CALN1: variants seen among roughly 807,000 people sequenced by gnomAD.
The protein encoded by CALN1 is calcium-binding protein 8.
Under a neutral mutation model 30.6 loss-of-function variants are expected in CALN1, and 17 were observed. The ratio of observed to expected loss-of-function variants is 0.56; its 90% CI spans 0.38 to 0.83. CALN1 has a LOEUF of 0.83. Among genes scored for constraint, CALN1 ranks in the 40% least tolerant of loss-of-function variants. CALN1 has a pLI of 0.00. For missense variants in CALN1, 291 were observed against 354.9 expected (o/e 0.82, Z 1.45); for synonymous variants, 156 against 131.4 (o/e 1.19, Z -1.28).
chr7:71,873,317 T>C lies in CALN1; in HGVS notation c.502-62825A>G, dbSNP rs149619610. The stretch of plus-strand genomic sequence containing the variant: ...GCCACCACGCCCAGCCGAAAATTTT[T>C]TTTTGTGGACACATTCATGGTCTGT... On this transcript the variant is annotated intron_variant, in intron 5 of 6. Coordinates refer to ENST00000395275, the MANE Select transcript of CALN1 (RefSeq NM_031468.4). Among the ~76,000 whole-genome samples the C allele has an allele frequency of 3.3e-4, 51 of 152,244 alleles. No homozygotes were observed. In the East Asian group the frequency reaches 8.1e-3, roughly 24 times the overall value.
In CALN1 at chr7:72,340,503, T is replaced by C. The variant is rs77642536; in HGVS notation, c.120-61693A>G. On this transcript the variant is annotated intron_variant, in intron 2 of 6. Coordinates refer to ENST00000395275, the MANE Select transcript of CALN1 (RefSeq NM_031468.4). ...CCTTTCCTGTAAGCCAACTGGGTGG[T>C]TGGGACTTAAGCATGAGCTGCCTGA... Among the ~76,000 whole-genome samples the C allele has an allele frequency of 4.6e-4, 70 of 152,330 alleles. No individual in the cohort carries two copies. The East Asian group carries it at 0.012, about 26-fold the overall frequency.
At chr7:72,320,490 G>A (rs760737899) in intron 2 of CALN1, among the ~76,000 whole-genome samples, 2 of 152,128 alleles carry the variant, frequency 1.3e-5, no homozygotes, top group African/African-American at 4.8e-5. Context: ...GACCTAGGAT[G>A]ACATAAGCAA....
intron 3 of CALN1, among the ~76,000 whole-genome samples, chr7:72,241,438 G>A (rs1794823988): frequency 1.3e-5 from 2 of 152,196 alleles, no homozygotes; most frequent in Admixed American, 6.6e-5. Context: ...CGGGTGCAGG[G>A]GCTCACACCT....
At chr7:72,273,357 C>T (rs1267011938) in intron 3 of CALN1, among the ~76,000 whole-genome samples, 2 of 139,992 alleles carry the variant, frequency 1.4e-5, no homozygotes, top group South Asian at 2.7e-4. Context: ...AGGAGGCAGA[C>T]GTTGCAGTGA....
intron 5 of CALN1, among the ~76,000 whole-genome samples, chr7:71,933,270 A>G (rs1379527298): frequency 6.6e-6 from 1 of 152,170 alleles, no homozygotes; most frequent in African/African-American, 2.4e-5. Context: ...TGAGGTGGCC[A>G]GGCTTCCCTG....
chr7:72,177,591 CT>C, intron 3 of CALN1, among the ~76,000 whole-genome samples: 2 of 151,852 alleles, frequency 1.3e-5, no homozygotes, highest in Non-Finnish European at 2.9e-5. Flanking sequence ...ATGGTGAAAC[CT>C]CATCTCTACC....
chr7:72,300,162 G>A (rs929051239), intron 2 of CALN1, among the ~76,000 whole-genome samples: 2 of 151,798 alleles, frequency 1.3e-5, no homozygotes, highest in African/African-American at 2.4e-5. Context: ...TTACAGGCAT[G>A]AGCCACCATG....
intron 2 of CALN1, among the ~76,000 whole-genome samples, chr7:72,377,436 CGTGTGTGTGTGTGT>C (rs138060244): frequency 7.0e-5 from 10 of 142,332 alleles, no homozygotes; most frequent in East Asian, 4.3e-4. Flanking sequence ...GCCACACTTT[CGTGTGTGTGTGTGT>C]GTGTGTGTGT....
intron 5 of CALN1, chr7:71,942,525 G>A (rs1796189154): frequency 1.9e-5 from 3 of 157,128 alleles, no homozygotes; most frequent in Admixed American, 1.3e-4. Context: ...TGGTGGGAAT[G>A]GTGTGCCACG....
rs1239945662 is a variant in CALN1, at chr7:72,106,546, G to GGAAAGGGA, written c.245-260_245-253dup. Reference sequence around the variant, plus strand: ...AAATGAGAGAGGAAGAAAAAGAAAAGGAAAGGGAGAAAGGGAGAGAGAAAA... The same window carrying GGAAAGGGA: ...AAATGAGAGAGGAAGAAAAAGAAAAGGAAAGGGAGAAAGGGAGAAAGGGAGAGAGAAAA... On this transcript the variant is annotated intron_variant, in intron 3 of 6. Coordinates refer to ENST00000395275, the MANE Select transcript of CALN1 (RefSeq NM_031468.4). 1.1e-4 allele frequency among the ~76,000 whole-genome samples: 16 copies of GGAAAGGGA among 147,710 alleles called. No individual in the cohort carries two copies. In the East Asian group the frequency reaches 3.2e-3, roughly 29 times the overall value.
intron 3 of CALN1, among the ~76,000 whole-genome samples, chr7:72,273,678 C>T (rs1450854792): frequency 1.3e-5 from 2 of 151,698 alleles, no homozygotes; most frequent in Non-Finnish European, 2.9e-5. Flanking sequence ...ACCAACACAT[C>T]CAGCTAATTT....
chr7:72,282,462 A>C (rs1585352378), intron 2 of CALN1, among the ~76,000 whole-genome samples: 1 of 152,326 alleles, frequency 6.6e-6, no homozygotes, highest in East Asian at 1.9e-4. Flanking sequence ...TGGAGCCTTT[A>C]GAAGCTGATT....
chr7:72,172,782 G>C (rs1194078239), intron 3 of CALN1, among the ~76,000 whole-genome samples: 1 of 152,082 alleles, frequency 6.6e-6, no homozygotes, highest in Non-Finnish European at 1.5e-5. Context: ...GAAATAGTGG[G>C]TAATTTCCTC....
chr7:72,310,832 G>A (rs1369497944), intron 2 of CALN1, among the ~76,000 whole-genome samples: 3 of 150,154 alleles, frequency 2.0e-5, no homozygotes, highest in Non-Finnish European at 4.4e-5. Context: ...GAACCCGGGA[G>A]GTGGAGGTTG....
At chr7:72,229,439 C>A (rs1393948780) in intron 3 of CALN1, among the ~76,000 whole-genome samples, 1 of 151,944 alleles carries the variant, frequency 6.6e-6, no homozygotes, top group Admixed American at 6.5e-5. Flanking sequence ...TGGGTGTGTA[C>A]CCAAATGATT....
intron 2 of CALN1, among the ~76,000 whole-genome samples, chr7:72,387,192 G>C (rs1375873688): frequency 7.5e-6 from 1 of 132,496 alleles, no homozygotes; most frequent in Admixed American, 7.8e-5. Context: ...AACTAAGGAA[G>C]GGAGGGAGGG....
chr7:71,788,598 T>G (rs1396609045), intron 6 of CALN1, among the ~76,000 whole-genome samples: 2 of 151,240 alleles, frequency 1.3e-5, no homozygotes. Context: ...GGGCTCAAGC[T>G]GTCCTCCCAC....
chr7:72,366,423 G>T (rs556510164), intron 2 of CALN1, among the ~76,000 whole-genome samples: 1 of 151,992 alleles, frequency 6.6e-6, no homozygotes, highest in South Asian at 2.1e-4. Context: ...TGATCCACCT[G>T]CCTCGGCCTC....
chr7:72,501,198 T>C, the CALN1 span, among the ~76,000 whole-genome samples: 2 of 150,514 alleles, frequency 1.3e-5, no homozygotes, highest in African/African-American at 4.9e-5. Flanking sequence ...GAATAATAGT[T>C]TCAAGGATGA....
Sources: allele counts gnomAD v4.1 joint callset (sites outside exome capture counted in the v4.1 genomes callset), GRCh38; gene constraint gnomAD v4.1.1; transcripts MANE v1.5; gene names NCBI Gene and HGNC (gene_info 2026-07-23, HGNC 2026-07-21).